PAM: variants seen among roughly 807,000 people sequenced by gnomAD.
PAM encodes peptidyl-glycine alpha-amidating monooxygenase.
Under a neutral mutation model 122.1 loss-of-function variants are expected in PAM, and 72 were observed. The ratio of observed to expected loss-of-function variants is 0.59; its 90% CI spans 0.49 to 0.72. The LOEUF is 0.72. Among genes scored for constraint, PAM ranks in the 30% least tolerant of loss-of-function variants. The pLI, the probability that PAM is intolerant of heterozygous loss-of-function variation, is 0.00. For missense variants in PAM, 1,106 were observed against 1,183.7 expected (o/e 0.93, Z 0.96); for synonymous variants, 389 against 404.4 (o/e 0.96, Z 0.46).
At chr5:102,802,856 A>C (rs1182643524) in intron 1 of PAM, among the ~76,000 whole-genome samples, 1 of 152,168 alleles carries the variant, frequency 6.6e-6, no homozygotes, top group African/African-American at 2.4e-5. Context: ...ACTACATATG[A>C]GGTAGTACTA....
In PAM at chr5:102,867,327, C is replaced by T. The variant is rs371258308; in HGVS notation, c.144C>T (p.Pro48=). Residue 48 remains proline (P), a synonymous_variant, in exon 3 of 26, where the codon CCC becomes CCT. Transcript: ENST00000438793. ...FSNECLGTTR[P]VVPIDSSDFA... is the part of the protein sequence containing the mutation. Reference sequence around the variant, plus strand: ...ATGAATGTCTTGGTACCACCAGACCCGTAGTTCCTATTGATTCATCAGATT... The same window carrying T: ...ATGAATGTCTTGGTACCACCAGACCTGTAGTTCCTATTGATTCATCAGATT... 2.0e-5 allele frequency: 32 copies of T among 1,600,222 alleles called. No individual in the cohort carries two copies. The highest frequency in any genetic ancestry group is 2.4e-5 in the Non-Finnish European group (28 of 1,167,656).
At chr5:103,014,266 G>C (rs3776860) in intron 21 of PAM, among the ~76,000 whole-genome samples, 45,164 of 151,950 alleles carry the variant, frequency 0.3, 6,838 homozygotes, top group East Asian at 0.44. Context: ...GAGCCTTAAC[G>C]TCATAAAAAT....
chr5:102,779,310 A>G (rs543755974), intron 1 of PAM, among the ~76,000 whole-genome samples: 32 of 151,934 alleles, frequency 2.1e-4, no homozygotes, highest in African/African-American at 7.5e-4. Context: ...AGTAATTTAT[A>G]ATAAGATAAT....
At chr5:102,879,211 C>T (rs1406322754) in intron 3 of PAM, among the ~76,000 whole-genome samples, 2 of 152,090 alleles carry the variant, frequency 1.3e-5, no homozygotes, top group Admixed American at 1.3e-4. Context: ...AGATTACAGG[C>T]GTGAGCCACC....
intron 1 of PAM, among the ~76,000 whole-genome samples, chr5:102,800,287 G>A (rs1031345045): frequency 2.6e-5 from 4 of 152,148 alleles, no homozygotes; most frequent in Non-Finnish European, 4.4e-5. Flanking sequence ...TCTGCCAACT[G>A]TATCTCAGTC....
At chr5:102,862,218 A>G (rs1784382574) in intron 1 of PAM, among the ~76,000 whole-genome samples, 1 of 148,666 alleles carries the variant, frequency 6.7e-6, no homozygotes, top group African/African-American at 2.5e-5. Context: ...ATAGACACAT[A>G]TTGTCTTTTT....
Position 102,855,093 on chromosome 5 carries a change from C to T in PAM, c.-373-10730C>T, listed in dbSNP as rs79809994. ...AAATGTTTTTTTAAGCAACTTTGTT[C>T]TTTTGTTAATGACTTCCAGATTATC... On this transcript the variant is annotated intron_variant, in intron 1 of 25. Coordinates refer to ENST00000438793, the MANE Select transcript of PAM (RefSeq NM_001177306.2). 5.5e-3 allele frequency among the ~76,000 whole-genome samples: 830 copies of T among 152,042 alleles called. 10 individuals are homozygous for T. Among genetic ancestry groups the T allele is most frequent in the African/African-American group, 0.019 (784 of 41,490 alleles).
chr5:102,937,826 TAG>T lies in PAM; in HGVS notation c.527-9008_527-9007del, dbSNP rs577854057. ...TGCTCTAACTATGTAAAACAAGTAA[TAG>T]AGTCACTGTTTTTAAAAGTCTTTTG... On this transcript the variant is annotated intron_variant, in intron 7 of 25. Transcript: ENST00000438793. Among the ~76,000 whole-genome samples, 192 of 152,290 alleles carry T rather than the reference TAG, an allele frequency of 1.3e-3. 1 individual carries two copies. Among genetic ancestry groups the T allele is most frequent in the African/African-American group, 4.4e-3 (183 of 41,566 alleles).
Position 102,828,189 on chromosome 5 carries a change from G to GA in PAM, c.-373-37625dup, listed in dbSNP as rs558042734. Among the ~76,000 whole-genome samples, 303 of 150,034 alleles carry GA rather than the reference G, an allele frequency of 2.0e-3. 2 individuals carry two copies. Among genetic ancestry groups the GA allele is most frequent in the African/African-American group, 6.7e-3 (274 of 40,894 alleles). On this transcript the variant is annotated intron_variant, in intron 1 of 25. Transcript: ENST00000438793. ...CCCTCTGTCTACTACAAATACAAAA[G>GA]AAAAAAAAATAGCCAAGCGTGGTGG... is the stretch of plus-strand genomic sequence containing the variant.
chr5:102,761,749 T>G (rs1260801247), intron 1 of PAM, among the ~76,000 whole-genome samples: 1 of 152,260 alleles, frequency 6.6e-6, no homozygotes, highest in Non-Finnish European at 1.5e-5. Flanking sequence ...ATGTTATCTT[T>G]TAGAACTCTT....
chr5:102,948,437 G>A lies in PAM; in HGVS notation c.635G>A (p.Gly212Glu), dbSNP rs1757708918. Residue 212 changes from glycine to glutamate, a missense_variant, in exon 9 of 26, where the codon GGA (glycine) becomes GAA (glutamate). Transcript: ENST00000438793. Reference sequence around the variant, plus strand: ...TCTGTTGACACTGTTATCCCAGCAGGAGAAAAAGGTGAGTAATGATTTTTT... The same window carrying A: ...TCTGTTGACACTGTTATCCCAGCAGAAGAAAAAGGTGAGTAATGATTTTTT... ...MMSVDTVIPA[G>E]EKVVNSDISC... 1 of 1,544,154 alleles carries A rather than the reference G, an allele frequency of 6.5e-7. No homozygotes were observed.
chr5:102,971,418 G>C (rs1765789682), intron 14 of PAM, among the ~76,000 whole-genome samples: 1 of 152,166 alleles, frequency 6.6e-6, no homozygotes, highest in Admixed American at 6.5e-5. Context: ...TAGGGGCACA[G>C]AAATAGGGTT....
chr5:102,820,563 GA>G (rs910114416), intron 1 of PAM, among the ~76,000 whole-genome samples: 1 of 151,716 alleles, frequency 6.6e-6, no homozygotes, highest in Non-Finnish European at 1.5e-5. Flanking sequence ...TTTTTAAGAA[GA>G]AAAAAAGATA....
intron 4 of PAM, among the ~76,000 whole-genome samples, chr5:102,905,248 A>C (rs1224281973): frequency 6.6e-6 from 1 of 151,570 alleles, no homozygotes; most frequent in Non-Finnish European, 1.5e-5. Flanking sequence ...CTCAGCCAAG[A>C]AATTTGACTG....
chr5:102,899,081 C>T (rs1463576229), intron 3 of PAM, among the ~76,000 whole-genome samples: 5 of 151,418 alleles, frequency 3.3e-5, no homozygotes, highest in Non-Finnish European at 5.9e-5. Context: ...CCCCTACCCT[C>T]CCTTTACCCC....
intron 7 of PAM, among the ~76,000 whole-genome samples, chr5:102,944,433 A>T (rs988450927): frequency 6.6e-6 from 1 of 152,160 alleles, no homozygotes; most frequent in Non-Finnish European, 1.5e-5. Flanking sequence ...TTACTTTGGA[A>T]TAATAAAACT....
chr5:102,974,239 T>G lies in PAM; in HGVS notation c.1286T>G (p.Val429Gly), dbSNP rs1293858258. The part of the protein sequence containing the change: ...ESDLVAEIAN[V>G]VQKKDLGRSD... Reference sequence around the variant, plus strand: ...GACCTGGTAGCTGAGATTGCAAATGTAGTCCAAAAAAAGGATCTTGGTCGA... The same window carrying G: ...GACCTGGTAGCTGAGATTGCAAATGGAGTCCAAAAAAAGGATCTTGGTCGA... The change falls in exon 15 of 26, where the codon GTA (valine) becomes GGA (glycine). Residue 429 changes from valine to glycine, a missense_variant. This residue lies in a region of PAM where 670 missense variants were observed against 690.3 expected (regional missense o/e 0.97). Coordinates refer to ENST00000438793, the MANE Select transcript of PAM (RefSeq NM_001177306.2). 1 of 1,614,002 alleles carries G rather than the reference T, an allele frequency of 6.2e-7. No individual in the cohort carries two copies. Among genetic ancestry groups the G allele is most frequent in the South Asian group, 1.1e-5 (1 of 91,086 alleles).
chr5:102,950,692 T>C (rs759857959), intron 11 of PAM, 25 bp from the exon 12 acceptor site: 9 of 1,313,860 alleles, frequency 6.9e-6, no homozygotes, highest in South Asian at 1.2e-5. Flanking sequence ...ATATTAATGA[T>C]TCATTGTGTT....
chr5:102,809,270 C>A (rs1449586852), intron 1 of PAM, among the ~76,000 whole-genome samples: 1 of 150,476 alleles, frequency 6.6e-6, no homozygotes, highest in Non-Finnish European at 1.5e-5. Context: ...CTAATCCCAG[C>A]ACTTCAAGAG....
Sources: gnomAD v4.1 joint callset for allele counts (sites outside exome capture counted in the v4.1 genomes callset) on GRCh38, gnomAD v4.1.1 for gene constraint, gnomAD v4.1.1 regional missense constraint, MANE v1.5 for transcripts, NCBI Gene and HGNC (gene_info 2026-07-23, HGNC 2026-07-21) for gene names.